Variants in ABCA12 observed in about 807,000 individuals in gnomAD.
The protein encoded by ABCA12 is ATP binding cassette subfamily A member 12, also known as glucosylceramide transporter ABCA12.
A neutral mutation model predicts 293.5 loss-of-function variants in ABCA12; 156 were observed. That is an observed-to-expected ratio of 0.53 (90% CI 0.47 to 0.61). ABCA12 has a LOEUF of 0.61. Among genes scored for constraint, ABCA12 ranks in the 20% least tolerant of loss-of-function variants. The probability of loss-of-function intolerance (pLI) is 0.00; values close to 1 mark genes in which losing one functional copy is unlikely to be tolerated. For synonymous variants in ABCA12, 1,063 were observed against 1,108.0 expected (o/e 0.96, Z 0.81); for missense variants, 2,797 against 3,090.2 (o/e 0.91, Z 2.25).
chr2:214,986,425 TC>T, intron 28 of ABCA12, 116 bp downstream of exon 28: 1 of 1,043,126 alleles, frequency 9.6e-7, no homozygotes, highest in Admixed American at 2.0e-5. Context: ...ACCATCTTCC[TC>T]CATCTGGGAA....
intron 15 of ABCA12, among the ~76,000 whole-genome samples, chr2:215,012,838 T>C (rs1248762159): frequency 6.6e-6 from 1 of 152,134 alleles, no homozygotes; most frequent in Non-Finnish European, 1.5e-5. Context: ...TTATAAGTCA[T>C]AAAGGCAAAT....
chr2:215,111,819 T>A (rs1471160585), intron 1 of ABCA12, 129 bp from the exon 2 acceptor site: 1 of 692,918 alleles, frequency 1.4e-6, no homozygotes, highest in African/African-American at 1.8e-5. Flanking sequence ...ACTGTAGATA[T>A]TATTAATAAA....
At chr2:215,128,310 G>A (rs867603065) in intron 1 of ABCA12, among the ~76,000 whole-genome samples, 1 of 152,220 alleles carries the variant, frequency 6.6e-6, no homozygotes, top group Non-Finnish European at 1.5e-5. Context: ...TTTCCCAGGT[G>A]TTCTTTGTGC....
intron 1 of ABCA12, among the ~76,000 whole-genome samples, chr2:215,119,258 A>G (rs562980308): frequency 4.1e-4 from 63 of 152,344 alleles, no homozygotes; most frequent in African/African-American, 1.5e-3. Flanking sequence ...GGCATGAGCC[A>G]CTACTCCCTG....
chr2:215,013,522 C>G (rs10192100), intron 15 of ABCA12: 3 of 154,336 alleles, frequency 1.9e-5, no homozygotes, highest in Non-Finnish European at 4.4e-5. Context: ...TTTTGAAAAT[C>G]AGAACCAACA....
chr2:214,995,831 C>G (rs192668458), intron 23 of ABCA12, among the ~76,000 whole-genome samples: 31 of 151,700 alleles, frequency 2.0e-4, no homozygotes, highest in African/African-American at 7.3e-4. Flanking sequence ...ATTTCCAAGG[C>G]TTTAAAAAGG....
intron 42 of ABCA12, among the ~76,000 whole-genome samples, chr2:214,955,597 C>G (rs541175437): frequency 6.6e-6 from 1 of 152,150 alleles, no homozygotes; most frequent in African/African-American, 2.4e-5. Context: ...GTCGGAGGAT[C>G]AAGCTGTGGT....
At chr2:215,132,148 T>C (rs1703072998) in intron 1 of ABCA12, among the ~76,000 whole-genome samples, 1 of 152,042 alleles carries the variant, frequency 6.6e-6, no homozygotes, top group Admixed American at 6.6e-5. Flanking sequence ...ACTTCCCTTT[T>C]GGACAAGCAT....
Position 214,980,578 on chromosome 2 carries a change from A to G in ABCA12, c.4645T>C (p.Phe1549Leu), listed in dbSNP as rs766053255. The G allele has an allele frequency of 5.0e-6, 8 of 1,613,934 alleles. No homozygotes were observed. The Admixed American group carries it at 1.3e-4, about 27-fold the overall frequency. Reference protein sequence around the residue: ...EAEVLSDRIAFLEQGGLRCCG... With the variant: ...EAEVLSDRIALLEQGGLRCCG... ...CACCTAAGCCCACCCTGCTCCAGGA[A>G]GGCGATGCGGTCACTCAGCACTTCA... is the stretch of plus-strand genomic sequence containing the variant. The change falls in exon 31 of 53, where the codon TTC (phenylalanine) becomes CTC (leucine). Residue 1549 changes from phenylalanine (F) to leucine (L), a missense_variant. This residue lies in a region of ABCA12 where 2,130 missense variants were observed against 2,427.0 expected (regional missense o/e 0.88). Transcript: ENST00000272895.
chr2:214,958,688 C>G (rs1699026916), intron 40 of ABCA12, among the ~76,000 whole-genome samples: 1 of 152,258 alleles, frequency 6.6e-6, no homozygotes, highest in South Asian at 2.1e-4. Context: ...AGAAAAACCT[C>G]GGTCTCCAAC....
At chr2:215,105,693 T>G (rs559688576) in intron 2 of ABCA12, among the ~76,000 whole-genome samples, 1 of 149,916 alleles carries the variant, frequency 6.7e-6, no homozygotes, top group Non-Finnish European at 1.5e-5. Context: ...AACCAAGGGG[T>G]GACAGGAAGG....
At chr2:214,970,174 A>G in intron 37 of ABCA12, 99 bp downstream of exon 37, 1 of 1,237,436 alleles carries the variant, frequency 8.1e-7, no homozygotes, top group Non-Finnish European at 1.1e-6. Context: ...TAACCATGTA[A>G]AATGTAAACA....
intron 43 of ABCA12, 139 bp downstream of exon 43, chr2:214,955,063 T>A: frequency 8.9e-7 from 1 of 1,123,760 alleles, no homozygotes; most frequent in Non-Finnish European, 1.3e-6. Flanking sequence ...CCAAAAAGAA[T>A]TTTAAAAGCT....
At chr2:215,117,701 T>C (rs1702715008) in intron 1 of ABCA12, among the ~76,000 whole-genome samples, 1 of 152,202 alleles carries the variant, frequency 6.6e-6, no homozygotes, top group African/African-American at 2.4e-5. Context: ...TTTCTTACCA[T>C]TTTCACTAAA....
intron 36 of ABCA12, among the ~76,000 whole-genome samples, chr2:214,971,522 A>G (rs1037471221): frequency 6.6e-6 from 1 of 151,636 alleles, no homozygotes; most frequent in Non-Finnish European, 1.5e-5. Context: ...AATTACTATC[A>G]CTCCCAAAGT....
intron 2 of ABCA12, among the ~76,000 whole-genome samples, chr2:215,071,869 G>A (rs899286171): frequency 2.6e-5 from 4 of 152,182 alleles, no homozygotes; most frequent in African/African-American, 7.2e-5. Flanking sequence ...AGTGTTGCAT[G>A]ATGATGCACT....
chr2:214,951,257 C>T (rs1313044126), intron 44 of ABCA12, among the ~76,000 whole-genome samples, 174 bp from the exon 45 acceptor site: 1 of 152,212 alleles, frequency 6.6e-6, no homozygotes, highest in East Asian at 1.9e-4. Context: ...AGACCCTCCT[C>T]ACTGTATTCA....
At chr2:215,128,383 T>C (rs1489157656) in intron 1 of ABCA12, among the ~76,000 whole-genome samples, 1 of 152,228 alleles carries the variant, frequency 6.6e-6, no homozygotes, top group Non-Finnish European at 1.5e-5. Context: ...ATTATTCCCC[T>C]AAATGTGTTT....
intron 2 of ABCA12, among the ~76,000 whole-genome samples, chr2:215,103,482 C>G (rs572115057): frequency 6.6e-6 from 1 of 152,042 alleles, no homozygotes; most frequent in African/African-American, 2.4e-5. Context: ...GTTGGCCAGG[C>G]TGGTCTCGAA....
Sources: gnomAD v4.1 joint callset for allele counts (sites outside exome capture counted in the v4.1 genomes callset) on GRCh38, gnomAD v4.1.1 for gene constraint, gnomAD v4.1.1 regional missense constraint, MANE v1.5 for transcripts, NCBI Gene and HGNC (gene_info 2026-07-23, HGNC 2026-07-21) for gene names.